The following FUCA1 variants were observed in gnomAD, a reference collection of about 807,000 sequenced individuals.
The protein encoded by FUCA1 is alpha-L-fucosidase 1, also known as tissue alpha-L-fucosidase.
A neutral mutation model predicts 56.8 loss-of-function variants in FUCA1; 52 were observed. That is an observed-to-expected ratio of 0.92 (90% CI 0.73 to 1.15). The LOEUF (loss-of-function observed/expected upper bound fraction) is 1.15, where lower values mean the gene tolerates loss of function less well. FUCA1 is among the 50% of genes most tolerant of loss of function. The pLI, the probability that FUCA1 is intolerant of heterozygous loss-of-function variation, is 0.00. For synonymous variants in FUCA1, 230 were observed against 226.6 expected, an observed-to-expected ratio of 1.02 and a Z score of -0.14; for missense variants, 568 against 592.6, an observed-to-expected ratio of 0.96 and a Z score of 0.43.
chr1:23,854,539 G>A lies in FUCA1; in HGVS notation c.790C>T (p.Arg264Ter), dbSNP rs587779399. 2.5e-6 allele frequency: 4 copies of A among 1,613,548 alleles called. No individual in the cohort carries two copies. Among genetic ancestry groups the A allele is most frequent in the Admixed American group, 1.7e-5 (1 of 59,986 alleles). ...TGACAGGAACAGTTCTGACCCCATC[G>A]GTCATTTACTACCACCTCATCCTAA... ...PVKDEVVVND[R>*]WGQNCSCHHG... The change falls in exon 5 of 8, where the codon CGA (arginine) becomes TGA (stop). Residue 264 changes from arginine to a stop codon, truncating the protein, a stop_gained. Transcript: ENST00000374479. LOFTEE classifies it high-confidence loss of function.
In FUCA1 at chr1:23,851,025, C is replaced by G. The variant is rs143545934; in HGVS notation, c.970-2186G>C. ...AACTCCTGGCCTCAAAGGATCCTCC[C>G]ACCTTGGCCTCCTAAAGTGTTGGCA... On this transcript the variant is annotated intron_variant, in intron 5 of 7. Coordinates refer to ENST00000374479, the MANE Select transcript of FUCA1 (RefSeq NM_000147.5). Among the ~76,000 whole-genome samples the G allele has an allele frequency of 9.1e-3, 1,381 of 152,170 alleles. 23 individuals are homozygous for G. The highest frequency in any genetic ancestry group is 0.031 in the African/African-American group (1,280 of 41,512).
intron 4 of FUCA1, among the ~76,000 whole-genome samples, chr1:23,854,897 C>CT (rs1453535145): frequency 6.6e-6 from 1 of 152,146 alleles, no homozygotes; most frequent in East Asian, 1.9e-4. Context: ...CATGTCAGGG[C>CT]TGGGAGAGCT....
intron 1 of FUCA1, among the ~76,000 whole-genome samples, 177 bp from the exon 2 acceptor site, chr1:23,865,802 C>T (rs1639612071): frequency 6.6e-6 from 1 of 152,196 alleles, no homozygotes; most frequent in Admixed American, 6.5e-5. Flanking sequence ...TCCCCTTGGG[C>T]ATTGCTCCAA....
At chr1:23,865,674 C>A (rs112192936) in intron 1 of FUCA1, 49 bp from the exon 2 acceptor site, 50 of 1,611,856 alleles carry the variant, frequency 3.1e-5, no homozygotes, top group African/African-American at 2.8e-4. Context: ...AGTGAACTTG[C>A]ATGAACTTGC....
At chr1:23,853,089 GCCCATCGTCTGAGATGT>G (rs1639303019) in intron 5 of FUCA1, among the ~76,000 whole-genome samples, 7 of 142,928 alleles carry the variant, frequency 4.9e-5, no homozygotes, top group African/African-American at 1.3e-4. Context: ...CTGCCCGGCC[GCCCATCGTCTGAGATGT>G]GGGGAGCGCC....
chr1:23,868,158 G>C lies in FUCA1; in HGVS notation c.129C>G (p.Ser43Arg), dbSNP rs749870910. The stretch of plus-strand genomic sequence containing the variant: ...AGGCCGGCAGCGGCCGAGAATCCAG[G>C]CTCGGCCAGTCTGGGGTGTAGCGGC... Reference protein sequence around the residue: ...PPRRYTPDWPSLDSRPLPAWF... With the variant: ...PPRRYTPDWPRLDSRPLPAWF... Residue 43 changes from serine (S) to arginine (R), a missense_variant, in exon 1 of 8, where the codon AGC (serine) becomes AGG (arginine). By Grantham distance (110) the Ser-to-Arg change is moderately radical. Coordinates refer to ENST00000374479, the MANE Select transcript of FUCA1 (RefSeq NM_000147.5). 3 of 1,609,596 alleles carry C rather than the reference G, an allele frequency of 1.9e-6. No homozygotes were observed. Among genetic ancestry groups the C allele is most frequent in the Non-Finnish European group, 2.5e-6 (3 of 1,178,822 alleles).
At chr1:23,860,047 T>G in intron 3 of FUCA1, 144 bp from the exon 4 acceptor site, 1 of 648,392 alleles carries the variant, frequency 1.5e-6, no homozygotes, top group Non-Finnish European at 2.8e-6. Context: ...ATGATCACAA[T>G]GCACTATAGT....
chr1:23,857,645 C>T (rs764742078), intron 4 of FUCA1, among the ~76,000 whole-genome samples: 40 of 151,504 alleles, frequency 2.6e-4, no homozygotes, highest in Non-Finnish European at 4.7e-4. Flanking sequence ...TAGAGGTGCC[C>T]ACCACCACGC....
chr1:23,852,892 C>T (rs1203788468), intron 5 of FUCA1, among the ~76,000 whole-genome samples: 5 of 151,744 alleles, frequency 3.3e-5, no homozygotes, highest in African/African-American at 9.7e-5. Flanking sequence ...TCTGCCCGGC[C>T]GCCACCCCGT....
chr1:23,848,709 T>TCC lies in FUCA1; in HGVS notation c.1098_1099dup (p.Glu367GlyfsTer43). The TCC allele has an allele frequency of 6.2e-7, 1 of 1,614,146 alleles. No homozygotes were observed. The highest frequency in any genetic ancestry group is 8.5e-7 in the Non-Finnish European group (1 of 1,180,016). ...CCATGGTTTGGAGGCATAGATAGCCTCCCCATTGATGCTCAGCCATTTCCC... is the reference window on the plus strand; with the variant it reads ...CCATGGTTTGGAGGCATAGATAGCCTCCCCCCATTGATGCTCAGCCATTTCCC... On this transcript the variant is annotated frameshift_variant, in exon 6 of 8. Coordinates refer to ENST00000374479, the MANE Select transcript of FUCA1 (RefSeq NM_000147.5). LOFTEE classifies it high-confidence loss of function.
intron 5 of FUCA1, among the ~76,000 whole-genome samples, chr1:23,853,747 T>C (rs6682044): frequency 2.0e-3 from 308 of 151,586 alleles, no homozygotes; most frequent in African/African-American, 7.1e-3. Context: ...TGTGATCCTG[T>C]TGATCGGTGA....
intron 6 of FUCA1, 121 bp from the exon 7 acceptor site, chr1:23,846,294 CAG>C (rs1419908246): frequency 1.6e-5 from 11 of 698,600 alleles, no homozygotes; most frequent in South Asian, 1.1e-4. Flanking sequence ...TTTTTTGAGA[CAG>C]AGTCTCCCTC....
At position 23,867,975 on chromosome 1, in the gene FUCA1, G is replaced by T; in HGVS notation, c.312C>A (p.Ala104=). 6.3e-7 allele frequency: 1 copy of T among 1,596,894 alleles called. No individual in the cohort carries two copies. The highest frequency in any genetic ancestry group is 8.5e-7 in the Non-Finnish European group (1 of 1,173,044). ...GCGCAGTGAACTGCGGTCCGAAGTC[G>T]GCGTAGCTGAAGCCGGGCGGGTAGT... The part of the protein sequence containing the change: ...RDNYPPGFSY[A]DFGPQFTARF... The change falls in exon 1 of 8, where the codon GCC becomes GCA. Residue 104 remains alanine, a synonymous_variant. Transcript: ENST00000374479. This position sits in a 1 kb window ranked among gnomAD's most constrained non-coding sequence, Gnocchi z 4.9.
At chr1:23,859,751 C>CT in intron 4 of FUCA1, 47 bp downstream of exon 4, 1 of 1,290,234 alleles carries the variant, frequency 7.8e-7, no homozygotes, top group Non-Finnish European at 1.1e-6. Context: ...GCTCCTTGCA[C>CT]TTTCTTTCTT....
At chr1:23,853,119 T>C (rs1639303914) in intron 5 of FUCA1, among the ~76,000 whole-genome samples, 1 of 134,166 alleles carries the variant, frequency 7.5e-6, no homozygotes. Flanking sequence ...GGAGCGCCTC[T>C]GCCCCGCCGC....
rs1256943972 is a variant in FUCA1, at chr1:23,864,188, G to A, written c.525-917C>T. Among the ~76,000 whole-genome samples the A allele has an allele frequency of 2.0e-5, 3 of 148,650 alleles. No individual in the cohort carries two copies. In the South Asian group the frequency reaches 6.4e-4, roughly 32 times the overall value. On this transcript the variant is annotated intron_variant, in intron 2 of 7. Coordinates refer to ENST00000374479, the MANE Select transcript of FUCA1 (RefSeq NM_000147.5). Reference sequence around the variant, plus strand: ...TGCAAGCTCTACCTCCCGGGTTCACGCCATTCTCCTACCTCAGCCTCCCAA... The same window carrying A: ...TGCAAGCTCTACCTCCCGGGTTCACACCATTCTCCTACCTCAGCCTCCCAA...
At chr1:23,864,829 C>T (rs1639590418) in intron 2 of FUCA1, among the ~76,000 whole-genome samples, 1 of 152,014 alleles carries the variant, frequency 6.6e-6, no homozygotes, top group South Asian at 2.1e-4. Flanking sequence ...CTCAGCCTCC[C>T]GAGTTGCTGG....
chr1:23,848,782 T>C lies in FUCA1; in HGVS notation c.1027A>G (p.Lys343Glu), dbSNP rs1044251519. Residue 343 changes from lysine (K) to glutamate (E), a missense_variant, in exon 6 of 8, where the codon AAA becomes GAA. By Grantham distance (56) the Lys-to-Glu change is moderately conservative. Coordinates refer to ENST00000374479, the MANE Select transcript of FUCA1 (RefSeq NM_000147.5). ...GNYLLNIGPTKDGLIVPIFQE... is the reference protein window; with the variant it reads ...GNYLLNIGPTEDGLIVPIFQE... ...AAGATGGGAACAATCAGTCCATCTT[T>C]AGTTGGTCCAATGTTCAGAAGATAG... 3.7e-6 allele frequency: 6 copies of C among 1,614,076 alleles called. No homozygotes were observed. Among genetic ancestry groups the C allele is most frequent in the Non-Finnish European group, 5.1e-6 (6 of 1,180,022 alleles).
At chr1:23,857,621 C>T (rs1238445535) in intron 4 of FUCA1, among the ~76,000 whole-genome samples, 6 of 151,812 alleles carry the variant, frequency 4.0e-5, no homozygotes, top group African/African-American at 1.2e-4. Flanking sequence ...CTCAGCCTCT[C>T]GAGTAGCTGG....
Sources: gnomAD v4.1 joint callset for allele counts (sites outside exome capture counted in the v4.1 genomes callset) on GRCh38, gnomAD v4.1.1 for gene constraint, Gnocchi (gnomAD v3.1) non-coding constraint, MANE v1.5 for transcripts, NCBI Gene and HGNC (gene_info 2026-07-23, HGNC 2026-07-21) for gene names.